Variants in MTFMT observed in about 807,000 individuals in gnomAD.
MTFMT encodes the protein mitochondrial methionyl-tRNA formyltransferase, also known as methionyl-tRNA formyltransferase, mitochondrial.
MTFMT carries 47 observed loss-of-function variants against 51.8 expected under a neutral mutation model. The ratio of observed to expected loss-of-function variants is 0.91; its 90% confidence interval spans 0.72 to 1.16. The LOEUF (loss-of-function observed/expected upper bound fraction) is 1.16. Ranked by LOEUF, MTFMT falls within the 50% of genes most tolerant of loss-of-function variation. The pLI is 0.00. For synonymous variants in MTFMT, 196 were observed against 176.7 expected (o/e 1.11, Z -0.87); for missense variants, 512 against 482.3 (o/e 1.06, Z -0.58).
At chr15:65,014,077 A>G (rs1273337455) in intron 6 of MTFMT, among the ~76,000 whole-genome samples, 1 of 151,954 alleles carries the variant, frequency 6.6e-6, no homozygotes, top group East Asian at 1.9e-4. Context: ...ATATTCAGGG[A>G]TATCAGTCTG....
intron 6 of MTFMT, among the ~76,000 whole-genome samples, chr15:65,014,150 C>A (rs1170436535): frequency 6.6e-6 from 1 of 152,096 alleles, no homozygotes; most frequent in Non-Finnish European, 1.5e-5. Flanking sequence ...AGCTGTTCCT[C>A]TGCCTGGAAT....
intron 2 of MTFMT, chr15:65,026,460 T>C: frequency 3.8e-6 from 1 of 263,252 alleles, no homozygotes; most frequent in South Asian, 5.6e-5. Context: ...TGTCTATACC[T>C]GTGACTGGAG....
intron 6 of MTFMT, among the ~76,000 whole-genome samples, chr15:65,009,438 T>C (rs1019349262): frequency 6.6e-6 from 1 of 152,154 alleles, no homozygotes; most frequent in African/African-American, 2.4e-5. Context: ...TCATCTCAAT[T>C]AAATGGTTCC....
intron 3 of MTFMT, 96 bp downstream of exon 3, chr15:65,023,576 T>C (rs1173266395): frequency 8.4e-7 from 1 of 1,196,354 alleles, no homozygotes; most frequent in East Asian, 2.5e-5. Flanking sequence ...GTCACAGAAA[T>C]TAGTGAGCAC....
intron 2 of MTFMT, among the ~76,000 whole-genome samples, chr15:65,024,553 T>C (rs989292349): frequency 2.0e-5 from 3 of 152,024 alleles, no homozygotes; most frequent in Non-Finnish European, 4.4e-5. Context: ...TCTCGCTCTG[T>C]TGCCCAGGCT....
chr15:65,010,756 T>C (rs2086257693), intron 6 of MTFMT, among the ~76,000 whole-genome samples: 1 of 152,220 alleles, frequency 6.6e-6, no homozygotes, highest in East Asian at 1.9e-4. Flanking sequence ...GATACTTCTG[T>C]GTTTCACTTT....
At chr15:65,020,816 G>A (rs955286329) in intron 4 of MTFMT, among the ~76,000 whole-genome samples, 1 of 151,926 alleles carries the variant, frequency 6.6e-6, no homozygotes, top group African/African-American at 2.4e-5. Context: ...AAGTTGAGAG[G>A]GTAAAAAGAA....
chr15:65,024,170 G>C (rs1248573360), intron 2 of MTFMT, among the ~76,000 whole-genome samples: 1 of 151,876 alleles, frequency 6.6e-6, no homozygotes, highest in South Asian at 2.1e-4. Context: ...CTACTAAAAA[G>C]ACAAAATTAG....
chr15:65,010,367 A>C (rs1223990222), intron 6 of MTFMT, among the ~76,000 whole-genome samples: 1 of 4,196 alleles, frequency 2.4e-4, no homozygotes, highest in Admixed American at 0.013. Flanking sequence ...TCCCAGAAAA[A>C]ACGCCATCCA....
intron 6 of MTFMT, among the ~76,000 whole-genome samples, chr15:65,007,981 A>G (rs1039360800): frequency 6.6e-6 from 1 of 152,110 alleles, no homozygotes; most frequent in African/African-American, 2.4e-5. Flanking sequence ...GGTGGTTCGT[A>G]TCATACTTAA....
chr15:65,027,579 T>A (rs2086436959), intron 1 of MTFMT, among the ~76,000 whole-genome samples: 1 of 152,240 alleles, frequency 6.6e-6, no homozygotes, highest in Non-Finnish European at 1.5e-5. Flanking sequence ...TTGAACAGTA[T>A]CATTCTAGGG....
At chr15:65,010,539 G>A (rs923615419) in intron 6 of MTFMT, among the ~76,000 whole-genome samples, 1 of 152,096 alleles carries the variant, frequency 6.6e-6, no homozygotes, top group Admixed American at 6.6e-5. Flanking sequence ...TGTGATTATG[G>A]TTATGGCTGA....
chr15:65,002,916 T>A lies in MTFMT; in HGVS notation c.*146A>T. ...AGGCGGAGGTTGCAGTGAGCTGAGATAGTGCCACTGGATTCCAGCCTGGGT... is the reference window on the plus strand; with the variant it reads ...AGGCGGAGGTTGCAGTGAGCTGAGAAAGTGCCACTGGATTCCAGCCTGGGT... On this transcript the variant is annotated 3_prime_UTR_variant, in exon 9 of 9. Coordinates refer to ENST00000220058, the MANE Select transcript of MTFMT (RefSeq NM_139242.4). 4.1e-6 allele frequency: 2 copies of A among 484,186 alleles called. No individual in the cohort carries two copies. The highest frequency in any genetic ancestry group is 7.8e-5 in the South Asian group (2 of 25,758). The allele number at this position is 484,186 out of a possible 1,614,324, so 30.0% of individuals were successfully genotyped here.
At chr15:65,026,639 C>T in intron 2 of MTFMT, 192 bp downstream of exon 2, 1 of 583,726 alleles carries the variant, frequency 1.7e-6, no homozygotes, top group Non-Finnish European at 3.0e-6. Context: ...CTTCTAAAGG[C>T]CCTTCAGTTA....
intron 3 of MTFMT, among the ~76,000 whole-genome samples, chr15:65,021,963 G>A (rs551270691): frequency 3.9e-5 from 6 of 152,214 alleles, no homozygotes; most frequent in African/African-American, 1.2e-4. Flanking sequence ...GCAAAGAAAC[G>A]ATACAGTTGC....
At chr15:65,013,692 C>T (rs2086289582) in intron 6 of MTFMT, among the ~76,000 whole-genome samples, 1 of 152,094 alleles carries the variant, frequency 6.6e-6, no homozygotes, top group African/African-American at 2.4e-5. Flanking sequence ...ACCTGTAATG[C>T]CAGCATGTTG....
chr15:65,025,260 C>T (rs1262774255), intron 2 of MTFMT, among the ~76,000 whole-genome samples: 3 of 142,244 alleles, frequency 2.1e-5, no homozygotes, highest in African/African-American at 7.6e-5. Context: ...AAAGAGTTAG[C>T]TGGGTGTGTT....
intron 6 of MTFMT, among the ~76,000 whole-genome samples, chr15:65,012,504 T>C (rs2086278615): frequency 6.6e-6 from 1 of 152,146 alleles, no homozygotes; most frequent in African/African-American, 2.4e-5. Context: ...CAAGTGATTC[T>C]CGTGCCTTAG....
intron 8 of MTFMT, 38 bp from the exon 9 acceptor site, chr15:65,003,294 G>A: frequency 1.3e-6 from 2 of 1,518,780 alleles, no homozygotes; most frequent in South Asian, 1.2e-5. Context: ...AGGCAGGGGT[G>A]GCAAAACTAA....
Sources: gnomAD v4.1 joint callset for allele counts (sites outside exome capture counted in the v4.1 genomes callset) on GRCh38, gnomAD v4.1.1 for gene constraint, MANE v1.5 for transcripts, NCBI Gene and HGNC (gene_info 2026-07-23, HGNC 2026-07-21) for gene names.